Variants in DIS3 observed in about 807,000 individuals in gnomAD.
DIS3 encodes exosome complex exonuclease RRP44.
DIS3 carries 103 observed loss-of-function variants against 113.0 expected under a neutral mutation model. That is an observed-to-expected ratio of 0.91 (90% CI 0.78 to 1.07). The LOEUF is 1.07. Among genes scored for constraint, DIS3 ranks in the 50% least tolerant of loss-of-function variants. DIS3 has a pLI of 0.00. For missense variants in DIS3, 1,121 were observed against 1,167.1 expected (o/e 0.96, Z 0.58); for synonymous variants, 402 against 394.3 (o/e 1.02, Z -0.23).
intron 1 of DIS3, 175 bp from the exon 2 acceptor site, chr13:72,781,178 A>G (rs2034196782): frequency 7.1e-7 from 1 of 1,412,004 alleles, no homozygotes; most frequent in Admixed American, 2.0e-5. Flanking sequence ...AACCCTTCAG[A>G]TCTATTAAAA....
At position 72,777,374 on chromosome 13, in the gene DIS3, G is replaced by A. The variant is rs151051402; in HGVS notation, c.654+46C>T. ...AACTATATGCCTAATATTCCAAAGT[G>A]GCTATTTTAATATTTTTACTTTTCA... On this transcript the variant is annotated intron_variant, in intron 4 of 20. Transcript: ENST00000377767. 1,974 of 1,567,594 alleles carry A rather than the reference G, an allele frequency of 1.3e-3. 24 individuals carry two copies. In the African/African-American group the frequency reaches 0.024, roughly 19 times the overall value.
chr13:72,765,995 T>C lies in DIS3; in HGVS notation c.1947A>G (p.Ile649Met), dbSNP rs1269290868. The C allele has an allele frequency of 6.2e-7, 1 of 1,611,286 alleles. No individual in the cohort carries two copies. Among genetic ancestry groups the C allele is most frequent in the Non-Finnish European group, 8.5e-7 (1 of 1,178,512 alleles). The change falls in exon 15 of 21, where the codon ATA becomes ATG. Residue 649 changes from isoleucine (I) to methionine (M), a missense_variant. Ile to Met is a conservative substitution (Grantham distance 10). Around this residue, in one of 3 missense-constraint regions of DIS3, gnomAD observed 861 missense variants for 915.5 expected, o/e 0.94. Transcript: ENST00000377767. ...FHMDSETHDPIDLQTKELRET... is the reference protein window; with the variant it reads ...FHMDSETHDPMDLQTKELRET... Reference sequence around the variant, plus strand: ...ACCTAAGTTCCTTGGTCTGCAGATCTATAGGATCGTGAGTTTCACTGTCCA... The same window carrying C: ...ACCTAAGTTCCTTGGTCTGCAGATCCATAGGATCGTGAGTTTCACTGTCCA...
chr13:72,768,612 C>T (rs973170907), intron 14 of DIS3, among the ~76,000 whole-genome samples, 173 bp downstream of exon 14: 5 of 152,096 alleles, frequency 3.3e-5, no homozygotes, highest in African/African-American at 1.2e-4. Flanking sequence ...CCATTGCACT[C>T]CAGCGTGGGT....
intron 13 of DIS3, 142 bp from the exon 14 acceptor site, chr13:72,769,054 T>C (rs1184793524): frequency 1.9e-6 from 1 of 520,992 alleles, no homozygotes; most frequent in Non-Finnish European, 3.4e-6. Flanking sequence ...TTAGCTATGA[T>C]ATTATACTTC....
At chr13:72,781,462 C>A in intron 1 of DIS3, 143 bp downstream of exon 1, 7 of 1,453,960 alleles carry the variant, frequency 4.8e-6, no homozygotes, top group Non-Finnish European at 6.4e-6. Context: ...GCCTGGGGAA[C>A]AGGAAGCTTC....
At chr13:72,766,371 G>C (rs905791953) in intron 14 of DIS3, among the ~76,000 whole-genome samples, 2 of 152,092 alleles carry the variant, frequency 1.3e-5, no homozygotes, top group African/African-American at 4.8e-5. Flanking sequence ...GAGCTACACA[G>C]GTTTTTAATC....
chr13:72,778,581 A>G (rs2034077669), intron 2 of DIS3, among the ~76,000 whole-genome samples: 1 of 152,214 alleles, frequency 6.6e-6, no homozygotes, highest in Non-Finnish European at 1.5e-5. Flanking sequence ...TGCTTGGAAA[A>G]GAAGAAAATT....
rs114648392 is a variant in DIS3 at position 72,759,040 on chromosome 13, A to G, written c.*755T>C. On this transcript the variant is annotated 3_prime_UTR_variant, in exon 21 of 21. Transcript: ENST00000377767. ...GTGTATATACACTGATATAACTACA[A>G]TTTAAAAGCCACTAATTAATCTGTT... 9.3e-3 allele frequency: 1,263 copies of G among 136,152 alleles called. 14 individuals are homozygous for G. Among genetic ancestry groups the G allele is most frequent in the African/African-American group, 0.042 (1,176 of 27,992 alleles). 8.4% of individuals were successfully genotyped at this position (136,152 alleles called of 1,614,324 possible).
chr13:72,771,966 A>T, intron 10 of DIS3, 70 bp from the exon 11 acceptor site: 4 of 1,515,758 alleles, frequency 2.6e-6, no homozygotes, highest in Non-Finnish European at 3.6e-6. Context: ...GAGTTTTAAT[A>T]AGATAAAGTT....
In DIS3 at chr13:72,756,262, T is replaced by C. The variant is rs1426091076; in HGVS notation, c.*3533A>G. ...CCTTACTGCTGACCTGCAGAAAATG[T>C]GCCGCGTTATGTACCTGGCTCATCT... is the stretch of plus-strand genomic sequence containing the variant. On this transcript the variant is annotated 3_prime_UTR_variant, in exon 21 of 21. Coordinates refer to ENST00000377767, the MANE Select transcript of DIS3 (RefSeq NM_014953.5). 4.5e-6 allele frequency: 1 copy of C among 220,458 alleles called. No homozygotes were observed. The highest frequency in any genetic ancestry group is 2.3e-5 in the African/African-American group (1 of 44,028). The allele number at this position is 220,458 out of a possible 1,614,324, so 13.7% of individuals were successfully genotyped here. A position where few individuals can be genotyped will look rare whatever the true frequency, so the allele number is the denominator to read the frequency against.
At chr13:72,773,634 A>G in intron 8 of DIS3, 50 bp downstream of exon 8, 2 of 1,562,462 alleles carry the variant, frequency 1.3e-6, no homozygotes, top group Non-Finnish European at 1.7e-6. Flanking sequence ...AATACTATTC[A>G]CAAAATTTTA....
intron 5 of DIS3, 51 bp from the exon 6 acceptor site, chr13:72,775,426 T>C: frequency 3.3e-6 from 5 of 1,523,088 alleles, no homozygotes; most frequent in Non-Finnish European, 4.4e-6. Context: ...AATGGCAATA[T>C]AATAAAGGGA....
At chr13:72,773,334 C>T (rs1001669510) in intron 8 of DIS3, among the ~76,000 whole-genome samples, 11 of 152,056 alleles carry the variant, frequency 7.2e-5, no homozygotes, top group Admixed American at 5.2e-4. Flanking sequence ...CGGTAGTGCA[C>T]GCCTGTAGTC....
chr13:72,766,749 C>T (rs1379529061), intron 14 of DIS3, among the ~76,000 whole-genome samples: 9 of 152,126 alleles, frequency 5.9e-5, no homozygotes, highest in Non-Finnish European at 1.2e-4. Flanking sequence ...CTTGACATAA[C>T]TTTCATGAGG....
chr13:72,763,466 C>T lies in DIS3; in HGVS notation c.2112G>A (p.Lys704=), dbSNP rs1197403589. 1 of 1,613,092 alleles carries T rather than the reference C, an allele frequency of 6.2e-7. No individual in the cohort carries two copies. Among genetic ancestry groups the T allele is most frequent in the Non-Finnish European group, 8.5e-7 (1 of 1,179,752 alleles). ...PPPSNYEILV[K]AARSRNLEIK... ...AGGACCTTACCCTTGACCTGGCTGC[C>T]TTAACAAGAATTTCATAATTTGATG... Residue 704 remains lysine, a synonymous_variant, in exon 16 of 21, where the codon AAG becomes AAA. Coordinates refer to ENST00000377767, the MANE Select transcript of DIS3 (RefSeq NM_014953.5).
chr13:72,777,114 T>G (rs953246640), intron 4 of DIS3, among the ~76,000 whole-genome samples: 1 of 152,238 alleles, frequency 6.6e-6, no homozygotes. Flanking sequence ...GCCACTTCAT[T>G]TGTCAGCAGC....
rs916469353 is a variant in DIS3, at chr13:72,775,286, T to C, written c.912A>G (p.Ala304=). Residue 304 remains alanine (A), a synonymous_variant, in exon 6 of 21, where the codon GCA becomes GCG. Coordinates refer to ENST00000377767, the MANE Select transcript of DIS3 (RefSeq NM_014953.5). ...VELLPKSQWV[A]PSSVVLHDEG... ...CATCATGTAAAACCACAGAAGATGG[T>C]GCTACCCACTGACTCTTGGGGAGAA... The C allele has an allele frequency of 3.1e-6, 5 of 1,613,728 alleles. No homozygotes were observed. The African/African-American group carries it at 4.0e-5, about 13-fold the overall frequency.
At position 72,757,868 on chromosome 13, in the gene DIS3, A is replaced by G. The variant is rs548232306; in HGVS notation, c.*1927T>C. On this transcript the variant is annotated 3_prime_UTR_variant, in exon 21 of 21. Coordinates refer to ENST00000377767, the MANE Select transcript of DIS3 (RefSeq NM_014953.5). ...ACGATGATGATCCCGTAAGATTACA[A>G]TGGAGCTGAAAAATTCCTATTGCCT... The G allele has an allele frequency of 1.4e-5, 3 of 207,396 alleles. No individual in the cohort carries two copies. In the South Asian group the frequency reaches 5.7e-4, roughly 39 times the overall value. The allele number at this position is 207,396 out of a possible 1,614,324, so 12.8% of individuals were successfully genotyped here.
At position 72,781,728 on chromosome 13, in the gene DIS3, C is replaced by G; in HGVS notation, c.105G>C (p.Gly35=). 6.3e-7 allele frequency: 1 copy of G among 1,583,588 alleles called. No individual in the cohort carries two copies. The highest frequency in any genetic ancestry group is 1.1e-5 in the South Asian group (1 of 87,308). Residue 35 remains glycine, a synonymous_variant, in exon 1 of 21, where the codon GGG becomes GGC. Transcript: ENST00000377767. ...CGTGCGCCCCTCCACACGCTGCGCA[C>G]CCGGGCGCACCGCAGCCGATGTCGT... The part of the protein sequence containing the change: ...LRDDIGCGAP[G]CAACGGAHEG...
Sources: allele counts gnomAD v4.1 joint callset (sites outside exome capture counted in the v4.1 genomes callset), GRCh38; gene constraint gnomAD v4.1.1; regional missense constraint gnomAD v4.1.1; transcripts MANE v1.5; gene names NCBI Gene and HGNC (gene_info 2026-07-23, HGNC 2026-07-21).